AKAP19: variants seen among roughly 807,000 people sequenced by gnomAD.
AKAP19 encodes small A-kinase anchoring protein.
the AKAP19 span, among the ~76,000 whole-genome samples, chr2:189,918,054 T>C: frequency 6.6e-6 from 1 of 152,060 alleles, no homozygotes; most frequent in Non-Finnish European, 1.5e-5. Context: ...TTACTAGTTT[T>C]AGTAAAGTGT....
chr2:189,904,987 C>G, the AKAP19 span, among the ~76,000 whole-genome samples: 1 of 151,896 alleles, frequency 6.6e-6, no homozygotes, highest in Non-Finnish European at 1.5e-5. Context: ...ATTTATGTAT[C>G]TCTTCACTTT....
At chr2:190,166,908 GA>G in the AKAP19 span, among the ~76,000 whole-genome samples, 2 of 151,450 alleles carry the variant, frequency 1.3e-5, no homozygotes, top group Non-Finnish European at 2.9e-5. Context: ...AAAGAAAAAA[GA>G]AAGAAAAATG....
At chr2:190,091,382 C>G in the AKAP19 span, among the ~76,000 whole-genome samples, 1 of 152,136 alleles carries the variant, frequency 6.6e-6, no homozygotes, top group Non-Finnish European at 1.5e-5. Flanking sequence ...CACAGGAATT[C>G]TAACACTAGG....
chr2:190,106,268 C>G, the AKAP19 span, among the ~76,000 whole-genome samples: 1 of 152,202 alleles, frequency 6.6e-6, no homozygotes, highest in Non-Finnish European at 1.5e-5. Flanking sequence ...CATTGAGACT[C>G]AAGGATATCT....
chr2:190,176,906 T>G, the AKAP19 span, among the ~76,000 whole-genome samples: 25 of 152,238 alleles, frequency 1.6e-4, no homozygotes, highest in African/African-American at 6.0e-4. This position sits in a 1 kb window ranked among gnomAD's most constrained non-coding sequence, Gnocchi z 4.7. Flanking sequence ...AGAGGCCATT[T>G]TAGATTGAAC....
chr2:189,903,803 G>C, the AKAP19 span, among the ~76,000 whole-genome samples: 1 of 151,824 alleles, frequency 6.6e-6, no homozygotes, highest in Non-Finnish European at 1.5e-5. Context: ...TACTTCCCCT[G>C]ATCTAGTAGT....
At chr2:190,175,847 G>A in the AKAP19 span, among the ~76,000 whole-genome samples, 1 of 152,210 alleles carries the variant, frequency 6.6e-6, no homozygotes, top group Non-Finnish European at 1.5e-5. Flanking sequence ...TTCAGATGTT[G>A]CCGATGTGAT....
At chr2:190,079,634 G>A in the AKAP19 span, 1 of 152,186 alleles carries the variant, frequency 6.6e-6, no homozygotes, top group Non-Finnish European at 1.5e-5. Flanking sequence ...AACATGGCGA[G>A]AGCCCGTCTC....
At chr2:190,093,851 C>G in the AKAP19 span, among the ~76,000 whole-genome samples, 7 of 152,326 alleles carry the variant, frequency 4.6e-5, no homozygotes, top group East Asian at 1.9e-4. Context: ...AGCTTGACCA[C>G]AATCAGGAAG....
the AKAP19 span, among the ~76,000 whole-genome samples, chr2:189,892,190 C>A: frequency 2.6e-5 from 4 of 152,116 alleles, no homozygotes; most frequent in East Asian, 7.8e-4. Context: ...GCTCCTTTAG[C>A]TCAGAGGAGT....
the AKAP19 span, among the ~76,000 whole-genome samples, chr2:190,055,445 GT>G: frequency 6.6e-6 from 1 of 151,872 alleles, no homozygotes; most frequent in Non-Finnish European, 1.5e-5. Flanking sequence ...AAACCTGCAC[GT>G]TGTGCACATG....
chr2:190,090,725 G>A, the AKAP19 span, among the ~76,000 whole-genome samples: 1 of 152,170 alleles, frequency 6.6e-6, no homozygotes, highest in South Asian at 2.1e-4. Flanking sequence ...ATAAAAGGCA[G>A]AAGGTGACTC....
At chr2:190,001,375 C>T in the AKAP19 span, among the ~76,000 whole-genome samples, 2 of 152,040 alleles carry the variant, frequency 1.3e-5, no homozygotes, top group African/African-American at 4.8e-5. Flanking sequence ...ATTTTACTTC[C>T]CTGTTTCTTT....
the AKAP19 span, among the ~76,000 whole-genome samples, chr2:189,891,326 C>T: frequency 9.0e-5 from 13 of 144,448 alleles, no homozygotes; most frequent in South Asian, 2.1e-4. Context: ...CGGGTTCAAG[C>T]GATTCCCCTG....
At chr2:189,985,481 G>A in the AKAP19 span, among the ~76,000 whole-genome samples, 84 of 152,282 alleles carry the variant, frequency 5.5e-4, 2 homozygotes, top group South Asian at 8.9e-3. Flanking sequence ...CTGGATAGTC[G>A]GGAATGCATA....
chr2:190,187,391 A>G, the AKAP19 span, among the ~76,000 whole-genome samples: 19,972 of 150,326 alleles, frequency 0.13, 2,211 homozygotes, highest in African/African-American at 0.31. Flanking sequence ...TCGTTTACAC[A>G]GCAGATTTTA....
chr2:189,991,661 CTGAT>C, the AKAP19 span, among the ~76,000 whole-genome samples: 3 of 152,090 alleles, frequency 2.0e-5, no homozygotes, highest in African/African-American at 7.2e-5. Context: ...GTTTACTCTG[CTGAT>C]TATTTCTTTT....
At chr2:190,072,259 G>C in the AKAP19 span, among the ~76,000 whole-genome samples, 1 of 152,106 alleles carries the variant, frequency 6.6e-6, no homozygotes, top group African/African-American at 2.4e-5. Flanking sequence ...GAGCACTGGA[G>C]GGAGGAAGCT....
the AKAP19 span, among the ~76,000 whole-genome samples, chr2:189,903,862 T>C: frequency 1.3e-5 from 2 of 152,116 alleles, no homozygotes; most frequent in East Asian, 3.9e-4. Flanking sequence ...GCTCAATGTT[T>C]AGCTCCCACT....
Sources: gnomAD v4.1 joint callset for allele counts (sites outside exome capture counted in the v4.1 genomes callset) on GRCh38, gnomAD v4.1.1 for gene constraint, Gnocchi (gnomAD v3.1) non-coding constraint, MANE v1.5 for transcripts, NCBI Gene and HGNC (gene_info 2026-07-23, HGNC 2026-07-21) for gene names.